The following SYN2 variants were observed in gnomAD, a reference collection of about 807,000 sequenced individuals.
The protein encoded by SYN2 is synapsin II.
In SYN2, 19 loss-of-function variants were observed where a neutral mutation model predicts 50.9. The ratio of observed to expected loss-of-function variants is 0.37; its 90% CI spans 0.26 to 0.55. The LOEUF (loss-of-function observed/expected upper bound fraction) is 0.55. Among genes scored for constraint, SYN2 ranks in the 20% least tolerant of loss-of-function variants. SYN2 has a pLI of 0.81. For missense variants in SYN2, 587 were observed against 576.4 expected (o/e 1.02, Z -0.19); for synonymous variants, 255 against 224.9 (o/e 1.13, Z -1.20).
chr3:12,187,768 TTGTG>T (rs35996249), intron 12 of SYN2, among the ~76,000 whole-genome samples, 156 bp downstream of exon 12: 18 of 149,834 alleles, frequency 1.2e-4, no homozygotes, highest in South Asian at 8.4e-4. Flanking sequence ...TTTTTGGTTT[TTGTG>T]TGTGTGTGTG....
chr3:12,169,442 G>T (rs1697884761), intron 9 of SYN2, among the ~76,000 whole-genome samples: 1 of 152,158 alleles, frequency 6.6e-6, no homozygotes, highest in African/African-American at 2.4e-5. Flanking sequence ...TCCCCTGCCT[G>T]CAAACTTTTG....
intron 1 of SYN2, among the ~76,000 whole-genome samples, chr3:12,137,759 G>A (rs942753277): frequency 2.0e-5 from 3 of 152,112 alleles, no homozygotes; most frequent in African/African-American, 7.2e-5. Flanking sequence ...AAGCATATAT[G>A]TATGCAGGTA....
At chr3:12,135,997 T>C (rs1382437179) in intron 1 of SYN2, among the ~76,000 whole-genome samples, 1 of 152,206 alleles carries the variant, frequency 6.6e-6, no homozygotes, top group Non-Finnish European at 1.5e-5. Context: ...TCATCCCTGC[T>C]CTGAAGCATT....
chr3:12,040,900 CTCTCT>C (rs1694596706), intron 1 of SYN2, among the ~76,000 whole-genome samples: 2 of 152,264 alleles, frequency 1.3e-5, no homozygotes, highest in East Asian at 3.9e-4. Flanking sequence ...ATATGTGCTT[CTCTCT>C]TCTCTTCTAT....
intron 1 of SYN2, among the ~76,000 whole-genome samples, chr3:12,096,291 A>AT (rs1695931890): frequency 6.6e-6 from 1 of 152,168 alleles, no homozygotes; most frequent in African/African-American, 2.4e-5. Flanking sequence ...TAAACTTGAT[A>AT]GGGCATGTAT....
intron 1 of SYN2, among the ~76,000 whole-genome samples, chr3:12,050,531 A>T (rs539922781): frequency 5.3e-5 from 8 of 151,044 alleles, no homozygotes; most frequent in African/African-American, 1.5e-4. Flanking sequence ...TTATTAGTAG[A>T]CATGGGGTTT....
chr3:12,184,503 T>C, intron 11 of SYN2: 1 of 985,908 alleles, frequency 1.0e-6, no homozygotes, highest in East Asian at 1.1e-4. Context: ...AAATCAAAAA[T>C]GTCCCATGTC....
At chr3:12,107,641 C>T (rs972456122) in intron 1 of SYN2, among the ~76,000 whole-genome samples, 3 of 152,056 alleles carry the variant, frequency 2.0e-5, no homozygotes, top group South Asian at 2.1e-4. Context: ...CGGTGGCTCA[C>T]GCCTGTAATT....
At chr3:12,015,454 T>G (rs955031911) in intron 1 of SYN2, among the ~76,000 whole-genome samples, 5 of 152,122 alleles carry the variant, frequency 3.3e-5, no homozygotes, top group Non-Finnish European at 5.9e-5. Flanking sequence ...ATGAAAAAAA[T>G]TATGAAAATA....
In SYN2 at chr3:12,191,520, G is replaced by T. The variant is rs1698442476; in HGVS notation, c.*895G>T. On this transcript the variant is annotated 3_prime_UTR_variant, in exon 13 of 13. Transcript: ENST00000621198. ...AGTGTAGGGAGTGAAAAATCTAGGT[G>T]TGTGAAGCTGTTTGTGTCAGTTTGT... The T allele has an allele frequency of 6.6e-6, 1 of 152,446 alleles. No individual in the cohort carries two copies. The highest frequency in any genetic ancestry group is 2.1e-4 in the South Asian group (1 of 4,820). The allele number at this position is 152,446 out of a possible 1,614,324, so 9.4% of individuals were successfully genotyped here.
At chr3:12,188,862 G>A (rs1428356143) in intron 12 of SYN2, among the ~76,000 whole-genome samples, 1 of 152,058 alleles carries the variant, frequency 6.6e-6, no homozygotes, top group Non-Finnish European at 1.5e-5. Context: ...CTTCCCACTA[G>A]CCAACTCTAG....
chr3:12,077,374 G>A (rs1574927107), intron 1 of SYN2, among the ~76,000 whole-genome samples: 1 of 151,950 alleles, frequency 6.6e-6, no homozygotes, highest in African/African-American at 2.4e-5. Flanking sequence ...TTGTTACATA[G>A]GTAAACATGT....
At chr3:12,122,980 A>G (rs754279348) in intron 1 of SYN2, among the ~76,000 whole-genome samples, 1 of 152,228 alleles carries the variant, frequency 6.6e-6, no homozygotes, top group Non-Finnish European at 1.5e-5. Context: ...CAATGGCCAT[A>G]TAAACAGTAG....
At chr3:12,080,890 A>G (rs1695573694) in intron 1 of SYN2, among the ~76,000 whole-genome samples, 1 of 152,124 alleles carries the variant, frequency 6.6e-6, no homozygotes, top group African/African-American at 2.4e-5. Context: ...TCTAATATTG[A>G]TAGATCCCAC....
intron 1 of SYN2, among the ~76,000 whole-genome samples, chr3:12,116,390 A>G (rs1288642920): frequency 6.6e-6 from 1 of 152,206 alleles, no homozygotes; most frequent in Admixed American, 6.5e-5. Context: ...CCCGGAAAGC[A>G]GAGAGAAAGA....
chr3:12,187,657 TC>T (rs747582662), intron 12 of SYN2, 45 bp downstream of exon 12: 218 of 1,495,886 alleles, frequency 1.5e-4, no homozygotes, highest in Non-Finnish European at 1.7e-4. Flanking sequence ...CTCCTACCCT[TC>T]CTGTGGGCCT....
At chr3:12,158,840 T>A (rs773040580) in intron 5 of SYN2, 1 of 1,580,348 alleles carries the variant, frequency 6.3e-7, no homozygotes, top group Non-Finnish European at 8.6e-7. Context: ...CTCCCAGGCA[T>A]GACACTGCAG....
At chr3:12,033,579 A>G (rs1023261808) in intron 1 of SYN2, among the ~76,000 whole-genome samples, 1 of 152,226 alleles carries the variant, frequency 6.6e-6, no homozygotes, top group African/African-American at 2.4e-5. Context: ...CGTTGGTTTT[A>G]GTATATTCAC....
At chr3:12,158,146 G>A (rs1697513986) in intron 5 of SYN2, among the ~76,000 whole-genome samples, 1 of 152,124 alleles carries the variant, frequency 6.6e-6, no homozygotes, top group Admixed American at 6.5e-5. Flanking sequence ...ATGCTGAGGC[G>A]GCACCAAGGA....
Sources: allele counts gnomAD v4.1 joint callset (sites outside exome capture counted in the v4.1 genomes callset), GRCh38; gene constraint gnomAD v4.1.1; transcripts MANE v1.5; gene names NCBI Gene and HGNC (gene_info 2026-07-23, HGNC 2026-07-21).